PGR: variants seen among roughly 807,000 people sequenced by gnomAD.
PGR encodes the protein progesterone receptor.
PGR carries 25 observed loss-of-function variants against 76.1 expected under a neutral mutation model. The observed-to-expected ratio is 0.33, with a 90% CI of 0.24 to 0.46. PGR has a LOEUF of 0.46. PGR is among the 20% of genes least tolerant of loss of function. The pLI, the probability that PGR is intolerant of heterozygous loss-of-function variation, is 1.00. For synonymous variants in PGR, 579 were observed against 535.0 expected (o/e 1.08, Z -1.14); for missense variants, 1,172 against 1,225.3 (o/e 0.96, Z 0.65).
chr11:101,127,816 A>G lies in PGR; in HGVS notation c.1255T>C (p.Leu419=), dbSNP rs761007492. 19 of 1,573,768 alleles carry G rather than the reference A, an allele frequency of 1.2e-5. No individual in the cohort carries two copies. The African/African-American group carries it at 1.3e-4, about 11-fold the overall frequency. Residue 419 remains leucine (L), a synonymous_variant, in exon 1 of 8, where the codon TTG becomes CTG. Transcript: ENST00000325455. ...GGCGGCAGCGGGGGCGGTGGCCCCA[A>G]CGGGAAATCCGGGAAGGCTGCGGGG... The part of the protein sequence containing the change: ...ANPAAFPDFP[L]GPPPPLPPRA...
intron 3 of PGR, among the ~76,000 whole-genome samples, chr11:101,088,027 CA>C (rs76881450): frequency 0.21 from 30,897 of 148,508 alleles, 3,329 homozygotes; most frequent in African/African-American, 0.28. Context: ...CTTATCGTTA[CA>C]AAAAAAAAAT....
At chr11:101,042,575 T>C (rs1236906262) in intron 6 of PGR, among the ~76,000 whole-genome samples, 1 of 152,188 alleles carries the variant, frequency 6.6e-6, no homozygotes, top group Non-Finnish European at 1.5e-5. Flanking sequence ...CTAGATGATT[T>C]ATCTTTTTGT....
At chr11:101,058,585 G>A (rs777645793) in intron 4 of PGR, among the ~76,000 whole-genome samples, 1 of 152,126 alleles carries the variant, frequency 6.6e-6, no homozygotes, top group Non-Finnish European at 1.5e-5. Flanking sequence ...AAAATTCAAA[G>A]CATTGACCTA....
chr11:101,127,741 C>T lies in PGR; in HGVS notation c.1330G>A (p.Ala444Thr), dbSNP rs11571150. The T allele has an allele frequency of 3.2e-6, 5 of 1,558,186 alleles. No homozygotes were observed. The African/African-American group carries it at 6.7e-5, about 21-fold the overall frequency. The change falls in exon 1 of 8, where the codon GCC (alanine) becomes ACC (threonine). Residue 444 changes from alanine (A) to threonine (T), a missense_variant. This residue lies in a region of PGR where 893 missense variants were observed against 785.9 expected (regional missense o/e 1.14). Transcript: ENST00000325455. ...PGEAAVTAAP[A>T]SASVSSASSS... The stretch of plus-strand genomic sequence containing the variant: ...GACGCAGACGAGACTGAGGCACTGG[C>T]GGGTGCGGCCGTCACCGCCGCTTCC...
chr11:101,092,002 C>A, intron 2 of PGR, 126 bp from the exon 3 acceptor site: 1 of 687,348 alleles, frequency 1.5e-6, no homozygotes, highest in Non-Finnish European at 2.7e-6. Context: ...AGCTTCCTGC[C>A]TGGCACAGCT....
intron 3 of PGR, among the ~76,000 whole-genome samples, chr11:101,079,800 T>C (rs1444585859): frequency 6.6e-6 from 1 of 152,334 alleles, no homozygotes; most frequent in South Asian, 2.1e-4. Context: ...GAAGATATTA[T>C]CTGCATTCAC....
At chr11:101,120,393 T>G (rs990606410) in intron 2 of PGR, among the ~76,000 whole-genome samples, 2 of 152,230 alleles carry the variant, frequency 1.3e-5, no homozygotes, top group Non-Finnish European at 2.9e-5. Flanking sequence ...CATTTAGAAC[T>G]GTATCAAAAT....
intron 3 of PGR, among the ~76,000 whole-genome samples, chr11:101,070,771 C>T (rs11518483): frequency 0.12 from 17,661 of 152,194 alleles, 1,331 homozygotes; most frequent in Non-Finnish European, 0.16. Context: ...GACTGCCTCT[C>T]TAGACTCCTC....
At chr11:101,091,990 C>A (rs1861689767) in intron 2 of PGR, 114 bp from the exon 3 acceptor site, 1 of 699,548 alleles carries the variant, frequency 1.4e-6, no homozygotes, top group African/African-American at 1.7e-5. Flanking sequence ...CATGACTCAG[C>A]CAGCTTCCTG....
intron 3 of PGR, among the ~76,000 whole-genome samples, chr11:101,087,056 G>A (rs370441960): frequency 2.6e-5 from 4 of 152,144 alleles, no homozygotes; most frequent in South Asian, 4.2e-4. Context: ...AACTACCAAC[G>A]ACATTTTTTC....
At position 101,076,895 on chromosome 11, in the gene PGR, T is replaced by G. The variant is rs533436414; in HGVS notation, c.1907-14143A>C. ...TCTACTAATTTTTCTATATCTTTAC[T>G]ATTTTTTTAAAACTACAAATGGAAT... is the stretch of plus-strand genomic sequence containing the variant. On this transcript the variant is annotated intron_variant, in intron 3 of 7. Transcript: ENST00000325455. Among the ~76,000 whole-genome samples, 309 of 149,762 alleles carry G rather than the reference T, an allele frequency of 2.1e-3. 3 individuals carry two copies. The highest frequency in any genetic ancestry group is 7.2e-3 in the African/African-American group (296 of 40,982).
At position 101,100,433 on chromosome 11, in the gene PGR, G is replaced by A. The variant is rs1861962329; in HGVS notation, c.1790-8557C>T. ...TCTTTTATAAATTACCCAGTCTTAG[G>A]TATTTCTTCACAGCAGCATGAGAAC... On this transcript the variant is annotated intron_variant, in intron 2 of 7. Coordinates refer to ENST00000325455, the MANE Select transcript of PGR (RefSeq NM_000926.4). Among the ~76,000 whole-genome samples, 3 of 152,234 alleles carry A rather than the reference G, an allele frequency of 2.0e-5. No individual in the cohort carries two copies. In the South Asian group the frequency reaches 6.2e-4, roughly 32 times the overall value.
At chr11:101,085,340 GAGTAAACA>G (rs1861455273) in intron 3 of PGR, among the ~76,000 whole-genome samples, 1 of 149,158 alleles carries the variant, frequency 6.7e-6, no homozygotes, top group Non-Finnish European at 1.5e-5. Flanking sequence ...GGATAACTTT[GAGTAAACA>G]ATAAAATCAA....
chr11:101,128,379 T>A lies in PGR; in HGVS notation c.692A>T (p.Glu231Val), dbSNP rs1036856444. ...GCCCTTCAGAAGCGGACCCGCAGAC[T>A]CCTCGGACTCAGAGCCATCCTCCTC... is the stretch of plus-strand genomic sequence containing the variant. ...VEEEDGSESE[E>V]SAGPLLKGKP... is the part of the protein sequence containing the mutation. Residue 231 changes from glutamate (E) to valine (V), a missense_variant, in exon 1 of 8, where the codon GAG becomes GTG. Around this residue, in one of 4 missense-constraint regions of PGR, gnomAD observed 893 missense variants for 785.9 expected, o/e 1.14. Coordinates refer to ENST00000325455, the MANE Select transcript of PGR (RefSeq NM_000926.4). 1.2e-6 allele frequency: 2 copies of A among 1,608,010 alleles called. No homozygotes were observed. The highest frequency in any genetic ancestry group is 1.7e-6 in the Non-Finnish European group (2 of 1,179,714).
At chr11:101,048,669 G>C (rs481772) in intron 6 of PGR, among the ~76,000 whole-genome samples, 34,081 of 152,068 alleles carry the variant, frequency 0.22, 4,758 homozygotes, top group Non-Finnish European at 0.32. Flanking sequence ...AAGTTGCTCT[G>C]CGTGAGTCAG....
intron 3 of PGR, among the ~76,000 whole-genome samples, chr11:101,074,946 C>A (rs896581279): frequency 2.0e-5 from 3 of 152,142 alleles, no homozygotes; most frequent in African/African-American, 4.8e-5. Flanking sequence ...CTAACATTGA[C>A]TTTCTTCATA....
intron 3 of PGR, 50 bp from the exon 4 acceptor site, chr11:101,062,802 A>G: frequency 1.6e-6 from 2 of 1,224,208 alleles, no homozygotes; most frequent in South Asian, 1.3e-5. Context: ...TAAACTCCAT[A>G]TCCCAGTATA....
rs2135362465 is a variant in PGR, at chr11:101,029,715, A to T, written c.*9401T>A. On this transcript the variant is annotated 3_prime_UTR_variant, in exon 8 of 8. Coordinates refer to ENST00000325455, the MANE Select transcript of PGR (RefSeq NM_000926.4). ...TTAAAGAAAACATTATGTGAAGATG[A>T]TTCATTTCAAACCACCAGCCAATTT... 4.7e-6 allele frequency: 1 copy of T among 212,860 alleles called. No homozygotes were observed. Among genetic ancestry groups the T allele is most frequent in the South Asian group, 1.9e-4 (1 of 5,354 alleles). 13.2% of individuals were successfully genotyped at this position (212,860 alleles called of 1,614,324 possible). A position where few individuals can be genotyped will look rare whatever the true frequency, so the allele number is the denominator to read the frequency against.
At chr11:101,046,113 TTTTA>T (rs142690933) in intron 6 of PGR, among the ~76,000 whole-genome samples, 39,907 of 146,842 alleles carry the variant, frequency 0.27, 5,533 homozygotes, top group African/African-American at 0.36. Context: ...ATTTATTTAT[TTTTA>T]TTTATTTATT....
Sources: gnomAD v4.1 joint callset for allele counts (sites outside exome capture counted in the v4.1 genomes callset) on GRCh38, gnomAD v4.1.1 for gene constraint, gnomAD v4.1.1 regional missense constraint, MANE v1.5 for transcripts, NCBI Gene and HGNC (gene_info 2026-07-23, HGNC 2026-07-21) for gene names.